Variants in MKKS observed in about 807,000 individuals in gnomAD.
MKKS encodes the protein molecular chaperone MKKS.
MKKS carries 29 observed loss-of-function variants against 33.2 expected under a neutral mutation model. The ratio of observed to expected loss-of-function variants is 0.87; its 90% CI spans 0.65 to 1.19. MKKS has a LOEUF of 1.19. Ranked by LOEUF, MKKS falls within the 50% of genes most tolerant of loss-of-function variation. The pLI, the probability that MKKS is intolerant of heterozygous loss-of-function variation, is 0.00. For synonymous variants in MKKS, 260 were observed against 244.0 expected (o/e 1.07, Z -0.61); for missense variants, 661 against 662.3 (o/e 1.00, Z 0.02).
In MKKS at chr20:10,413,486, G is replaced by A; in HGVS notation, c.29C>T (p.Ser10Leu). 1 of 1,614,204 alleles carries A rather than the reference G, an allele frequency of 6.2e-7. No homozygotes were observed. Among genetic ancestry groups the A allele is most frequent in the Non-Finnish European group, 8.5e-7 (1 of 1,180,032 alleles). MSRLEAKKPSLCKSEPLTTE... is the reference protein window; with the variant it reads MSRLEAKKPLLCKSEPLTTE... Reference sequence around the variant, plus strand: ...TGTCAGTGGTTCACTCTTACACAATGATGGCTTCTTAGCTTCCAAACGAGA... The same window carrying A: ...TGTCAGTGGTTCACTCTTACACAATAATGGCTTCTTAGCTTCCAAACGAGA... The change falls in exon 3 of 6, where the codon TCA becomes TTA. Residue 10 changes from serine (S) to leucine (L), a missense_variant. Physicochemically the swap from Ser to Leu is moderately radical, Grantham distance 145. Coordinates refer to ENST00000347364, the MANE Select transcript of MKKS (RefSeq NM_170784.3).
In MKKS at chr20:10,432,789, C is replaced by CAAAAAAAAAAAAAAAAAAAAAAAAA. The variant is rs71184200; in HGVS notation, c.-649+1294_-649+1318dup. On this transcript the variant is annotated intron_variant, in intron 1 of 5. Transcript: ENST00000347364. ...TGCGCGACAGAGCGAGACTCTTTGT[C>CAAAAAAAAAAAAAAAAAAAAAAAAA]AAAAAAAAAAAAAAAAAAAAAAAAA... 2.7e-5 allele frequency among the ~76,000 whole-genome samples: 2 copies of CAAAAAAAAAAAAAAAAAAAAAAAAA among 74,560 alleles called. 1 individual carries two copies. The highest frequency in any genetic ancestry group is 5.0e-5 in the Non-Finnish European group (2 of 40,342). 48.9% of individuals were successfully genotyped at this position (74,560 alleles called of 152,430 possible).
intron 1 of MKKS, among the ~76,000 whole-genome samples, chr20:10,427,270 C>T (rs926659545): frequency 1.3e-5 from 2 of 152,058 alleles, no homozygotes; most frequent in Non-Finnish European, 1.5e-5. Context: ...CTCATTTTGC[C>T]TATTGGGCTT....
At chr20:10,420,158 A>C (rs749670356) in intron 2 of MKKS, among the ~76,000 whole-genome samples, 2 of 152,200 alleles carry the variant, frequency 1.3e-5, no homozygotes, top group Non-Finnish European at 2.9e-5. Context: ...AATGAATACA[A>C]TTAGTTTTGT....
At chr20:10,424,300 T>C (rs1248420210) in intron 1 of MKKS, among the ~76,000 whole-genome samples, 4 of 152,026 alleles carry the variant, frequency 2.6e-5, no homozygotes, top group African/African-American at 7.2e-5. Context: ...TCACACCTGT[T>C]ACCCCAGCAC....
intron 1 of MKKS, among the ~76,000 whole-genome samples, chr20:10,431,510 A>G (rs1435312097): frequency 6.7e-6 from 1 of 149,702 alleles, no homozygotes; most frequent in Admixed American, 6.7e-5. Flanking sequence ...ACATAACTCA[A>G]TGCTGTATAG....
At chr20:10,409,394 A>G (rs2064864725) in intron 3 of MKKS, among the ~76,000 whole-genome samples, 1 of 152,186 alleles carries the variant, frequency 6.6e-6, no homozygotes, top group African/African-American at 2.4e-5. Context: ...ATTATTTGAT[A>G]TATTAAGTAT....
rs570030217 is a variant in MKKS, at chr20:10,429,582, C to T, written c.-649+4526G>A. 9.2e-5 allele frequency among the ~76,000 whole-genome samples: 14 copies of T among 152,328 alleles called. No homozygotes were observed. The South Asian group carries it at 2.7e-3, about 29-fold the overall frequency. ...CCAAACTGCTGTTCCACCTGGATTTCCTGTTTCGTTAACAAAAAGCATCAT... is the reference window on the plus strand; with the variant it reads ...CCAAACTGCTGTTCCACCTGGATTTTCTGTTTCGTTAACAAAAAGCATCAT... On this transcript the variant is annotated intron_variant, in intron 1 of 5. Coordinates refer to ENST00000347364, the MANE Select transcript of MKKS (RefSeq NM_170784.3).
chr20:10,411,435 G>A (rs6108557), intron 3 of MKKS, among the ~76,000 whole-genome samples: 21,992 of 151,998 alleles, frequency 0.14, 1,788 homozygotes, highest in East Asian at 0.24. Flanking sequence ...TTAAAAATGA[G>A]TCTGGAAGAC....
chr20:10,411,076 T>C (rs1458206911), intron 3 of MKKS, among the ~76,000 whole-genome samples: 3 of 151,258 alleles, frequency 2.0e-5, no homozygotes, highest in Non-Finnish European at 2.9e-5. Flanking sequence ...AACCTCCACC[T>C]CCTGGGTTCA....
At chr20:10,418,653 C>A (rs1446662019) in intron 2 of MKKS, among the ~76,000 whole-genome samples, 3 of 152,092 alleles carry the variant, frequency 2.0e-5, no homozygotes, top group East Asian at 3.9e-4. Flanking sequence ...AGAGGAGATT[C>A]TTTTCTCAGC....
chr20:10,405,335 A>C lies in MKKS; in HGVS notation c.1625T>G (p.Leu542Trp), dbSNP rs372944937. ...CTGTAGGCCACTAAGCTTTGCAGTC[A>C]AACAGTCCAAGGTCAGGTTGCTGGC... is the stretch of plus-strand genomic sequence containing the variant. ...GSASNLTLDCLTAKLSGLQVA... is the reference protein window; with the variant it reads ...GSASNLTLDCWTAKLSGLQVA... Residue 542 changes from leucine (L) to tryptophan (W), a missense_variant, in exon 6 of 6, where the codon TTG (leucine) becomes TGG (tryptophan). Transcript: ENST00000347364. 2.7e-5 allele frequency: 44 copies of C among 1,614,192 alleles called. No individual in the cohort carries two copies. In the African/African-American group the frequency reaches 4.3e-4, roughly 16 times the overall value.
Position 10,430,855 on chromosome 20 carries a change from A to T in MKKS, c.-649+3253T>A, listed in dbSNP as rs1020392809. ...GAGCAGCCAAGTGATCAAATGTGAG[A>T]ATCCTACAATGACTGAAACTTGGTC... On this transcript the variant is annotated intron_variant, in intron 1 of 5. Coordinates refer to ENST00000347364, the MANE Select transcript of MKKS (RefSeq NM_170784.3). Among the ~76,000 whole-genome samples, 5 of 152,232 alleles carry T rather than the reference A, an allele frequency of 3.3e-5. 1 individual carries two copies. The highest frequency in any genetic ancestry group is 1.2e-4 in the African/African-American group (5 of 41,462).
chr20:10,423,310 G>C (rs2064993968), intron 1 of MKKS, among the ~76,000 whole-genome samples: 1 of 152,032 alleles, frequency 6.6e-6, no homozygotes, highest in African/African-American at 2.4e-5. Flanking sequence ...TTCTAGCTGC[G>C]TGGGGGGTGC....
intron 5 of MKKS, 128 bp from the exon 6 acceptor site, chr20:10,405,815 T>C: frequency 1.0e-6 from 1 of 981,304 alleles, no homozygotes; most frequent in Non-Finnish European, 1.5e-6. Flanking sequence ...ATTTGGGGTC[T>C]GGCACAATGC....
intron 5 of MKKS, among the ~76,000 whole-genome samples, chr20:10,407,388 C>A (rs1600844376): frequency 6.6e-6 from 1 of 151,938 alleles, no homozygotes; most frequent in Admixed American, 6.6e-5. Context: ...TTATATTTAC[C>A]TTGTTATTTC....
At chr20:10,427,703 T>C (rs2065025710) in intron 1 of MKKS, among the ~76,000 whole-genome samples, 2 of 152,224 alleles carry the variant, frequency 1.3e-5, no homozygotes, top group African/African-American at 4.8e-5. Flanking sequence ...AACAGAACAA[T>C]CGTTTTCCTT....
rs1238092797 is a variant in MKKS at position 10,404,542 on chromosome 20, A to T, written c.*705T>A. ...TGCCAAAGTTGAGAAACCCCAGTGT[A>T]AAACAAACCAGTCCTTCTTCCCACT... is the stretch of plus-strand genomic sequence containing the variant. On this transcript the variant is annotated 3_prime_UTR_variant, in exon 6 of 6. Transcript: ENST00000347364. The T allele has an allele frequency of 6.6e-6, 1 of 152,116 alleles. No individual in the cohort carries two copies. The highest frequency in any genetic ancestry group is 1.5e-5 in the Non-Finnish European group (1 of 68,048). 9.4% of individuals were successfully genotyped at this position (152,116 alleles called of 1,614,324 possible).
intron 1 of MKKS, among the ~76,000 whole-genome samples, chr20:10,427,909 A>G (rs956866285): frequency 6.6e-6 from 1 of 152,178 alleles, no homozygotes; most frequent in African/African-American, 2.4e-5. Flanking sequence ...ACCTATATCC[A>G]AGAGCTGGGC....
chr20:10,424,387 T>A (rs1475472656), intron 1 of MKKS, among the ~76,000 whole-genome samples: 2 of 152,088 alleles, frequency 1.3e-5, no homozygotes, highest in Non-Finnish European at 2.9e-5. Flanking sequence ...AGACTTCATC[T>A]CTATTTTAAA....
Sources: allele counts gnomAD v4.1 joint callset (sites outside exome capture counted in the v4.1 genomes callset), GRCh38; gene constraint gnomAD v4.1.1; transcripts MANE v1.5; gene names NCBI Gene and HGNC (gene_info 2026-07-23, HGNC 2026-07-21).